The following LRCH1 variants were observed in gnomAD, a reference collection of about 807,000 sequenced individuals.
The protein encoded by LRCH1 is leucine-rich repeat and calponin homology domain-containing protein 1.
LRCH1 carries 23 observed loss-of-function variants against 94.9 expected under a neutral mutation model. The ratio of observed to expected loss-of-function variants is 0.24; its 90% CI spans 0.17 to 0.34. The LOEUF is 0.34. Ranked by LOEUF, LRCH1 falls within the 10% of genes least tolerant of loss-of-function variation. LRCH1 has a pLI of 1.00. For synonymous variants in LRCH1, 364 were observed against 354.9 expected, an observed-to-expected ratio of 1.03 and a Z score of -0.29; for missense variants, 790 against 945.9, an observed-to-expected ratio of 0.84 and a Z score of 2.16.
intron 15 of LRCH1, among the ~76,000 whole-genome samples, chr13:46,713,687 CT>C (rs1872183138): frequency 6.6e-6 from 1 of 152,172 alleles, no homozygotes; most frequent in Non-Finnish European, 1.5e-5. Flanking sequence ...ACTCAAATGG[CT>C]GGTCTTCTCA....
chr13:46,685,059 A>G (rs1260004860), intron 4 of LRCH1, among the ~76,000 whole-genome samples: 1 of 152,128 alleles, frequency 6.6e-6, no homozygotes, highest in Non-Finnish European at 1.5e-5. Flanking sequence ...GCAATATTCC[A>G]TCCCTTAACA....
Position 46,744,489 on chromosome 13 carries a change from G to C in LRCH1, c.*2641G>C. ...TTTCCTATTTATGGATTTCTGGTTTGTTATTTTTAGGGAGAGACACTTATG... is the reference window on the plus strand; with the variant it reads ...TTTCCTATTTATGGATTTCTGGTTTCTTATTTTTAGGGAGAGACACTTATG... On this transcript the variant is annotated 3_prime_UTR_variant, in exon 20 of 20. Transcript: ENST00000389797. The C allele has an allele frequency of 1.0e-6, 1 of 985,362 alleles. No homozygotes were observed. The highest frequency in any genetic ancestry group is 1.2e-6 in the Non-Finnish European group (1 of 829,930). 61.0% of individuals were successfully genotyped at this position (985,362 alleles called of 1,614,324 possible). A position where few individuals can be genotyped will look rare whatever the true frequency, so the allele number is the denominator to read the frequency against.
intron 3 of LRCH1, among the ~76,000 whole-genome samples, chr13:46,673,901 C>G (rs1220685886): frequency 6.6e-6 from 1 of 152,172 alleles, no homozygotes; most frequent in Non-Finnish European, 1.5e-5. Context: ...CTGCCTCAGC[C>G]TCCCAACTAG....
rs191562819 is a variant in LRCH1, at chr13:46,709,957, T to C, written c.1528-1834T>C. On this transcript the variant is annotated intron_variant, in intron 13 of 19. Transcript: ENST00000389797. ...AGAGCTAAAATATGATCCTTACTTA[T>C]GATTTGGTTATTTTTATATTCTTTC... Among the ~76,000 whole-genome samples, 374 of 152,318 alleles carry C rather than the reference T, an allele frequency of 2.5e-3. 3 individuals are homozygous for C. The highest frequency in any genetic ancestry group is 4.2e-3 in the Non-Finnish European group (286 of 68,026).
intron 1 of LRCH1, among the ~76,000 whole-genome samples, chr13:46,626,217 G>T (rs1333943230): frequency 6.6e-6 from 1 of 152,102 alleles, no homozygotes; most frequent in Non-Finnish European, 1.5e-5. Context: ...AAGGTGGGTG[G>T]TAATGGCTTT....
intron 2 of LRCH1, among the ~76,000 whole-genome samples, chr13:46,652,309 C>A (rs1199715072): frequency 2.6e-5 from 4 of 151,930 alleles, no homozygotes; most frequent in African/African-American, 9.7e-5. Context: ...ATCTCCTGAC[C>A]TCGTGGTCCA....
rs114820437 is a variant in LRCH1, at chr13:46,571,822, G to C, written c.307+18119G>C. Among the ~76,000 whole-genome samples, 354 of 152,008 alleles carry C rather than the reference G, an allele frequency of 2.3e-3. 1 individual carries two copies. The highest frequency in any genetic ancestry group is 8.1e-3 in the African/African-American group (335 of 41,514). ...AAGTGAGAGTAATAACACTTATGGG[G>C]TTGCTGTGATGACTAAAATAACAAA... is the stretch of plus-strand genomic sequence containing the variant. On this transcript the variant is annotated intron_variant, in intron 1 of 19. Coordinates refer to ENST00000389797, the MANE Select transcript of LRCH1 (RefSeq NM_001164211.2).
exon 19 of LRCH1, chr13:46,750,684 G>A: frequency 6.9e-7 from 1 of 1,439,442 alleles, no homozygotes; most frequent in Non-Finnish European, 9.6e-7. Flanking sequence ...CTCAGACTCT[G>A]CTCTCATCCA....
intron 1 of LRCH1, among the ~76,000 whole-genome samples, chr13:46,573,866 A>ATATATATATATATATATATATATATTT: frequency 1.1e-3 from 69 of 63,332 alleles, no homozygotes; most frequent in African/African-American, 1.5e-3. Flanking sequence ...ATATATATAT[A>ATATATATATATATATATATATATATTT]TTTTTTTTTT....
In LRCH1 at chr13:46,681,743, T is replaced by G. The variant is rs776077548; in HGVS notation, c.582T>G (p.Asp194Glu). 1 of 1,602,574 alleles carries G rather than the reference T, an allele frequency of 6.2e-7. No homozygotes were observed. Among genetic ancestry groups the G allele is most frequent in the African/African-American group, 1.3e-5 (1 of 74,694 alleles). The change falls in exon 4 of 20, where the codon GAT (aspartate) becomes GAG (glutamate). Residue 194 changes from aspartate to glutamate, a missense_variant and splice_region_variant. Physicochemically the swap from Asp to Glu is conservative, Grantham distance 45. Coordinates refer to ENST00000389797, the MANE Select transcript of LRCH1 (RefSeq NM_001164211.2). ...TTCTCTCTCTGCTTTTGATACAGGATGTCAGCTGCAACGAGATCACAGCGT... is the reference window on the plus strand; with the variant it reads ...TTCTCTCTCTGCTTTTGATACAGGAGGTCAGCTGCAACGAGATCACAGCGT... ...IGQLKQLMEL[D>E]VSCNEITALP...
rs1555269134 is a variant in LRCH1 at position 46,573,845 on chromosome 13, A to AATATATATATATATATATATAT, written c.307+20143_307+20164dup. Among the ~76,000 whole-genome samples, 154 of 77,844 alleles carry AATATATATATATATATATATAT rather than the reference A, an allele frequency of 2.0e-3. 2 individuals are homozygous for AATATATATATATATATATATAT. The highest frequency in any genetic ancestry group is 0.012 in the East Asian group (22 of 1,908). 51.1% of individuals were successfully genotyped at this position (77,844 alleles called of 152,430 possible). A position where few individuals can be genotyped will look rare whatever the true frequency, so the allele number is the denominator to read the frequency against. Reference sequence around the variant, plus strand: ...TAGCACAACAGGGTGACTATAGTCAAATATATATATATATATATATATTTT... The same window carrying AATATATATATATATATATATAT: ...TAGCACAACAGGGTGACTATAGTCAAATATATATATATATATATATATATATATATATATATATATATATTTT... On this transcript the variant is annotated intron_variant, in intron 1 of 19. Transcript: ENST00000389797.
chr13:46,566,013 C>G (rs560941339), intron 1 of LRCH1, among the ~76,000 whole-genome samples: 132 of 151,756 alleles, frequency 8.7e-4, no homozygotes, highest in African/African-American at 3.0e-3. Context: ...GTTTTGGCCT[C>G]CAGATTGGAG....
Position 46,681,778 on chromosome 13 carries a change from A to G in LRCH1, c.617A>G (p.Gln206Arg), listed in dbSNP as rs2051754367. The stretch of plus-strand genomic sequence containing the variant: ...AACGAGATCACAGCGTTGCCCCAGC[A>G]GATAGGTCAGTTGAAATCTCTACGA... ...SCNEITALPQ[Q>R]IGQLKSLREL... Residue 206 changes from glutamine to arginine, a missense_variant, in exon 4 of 20, where the codon CAG (glutamine) becomes CGG (arginine). By Grantham distance (43) the Gln-to-Arg change is conservative (BLOSUM62 1). Transcript: ENST00000389797. 1 of 1,613,950 alleles carries G rather than the reference A, an allele frequency of 6.2e-7. No homozygotes were observed.
chr13:46,678,889 C>T (rs1320897742), intron 3 of LRCH1, among the ~76,000 whole-genome samples: 1 of 152,190 alleles, frequency 6.6e-6, no homozygotes, highest in Non-Finnish European at 1.5e-5. Flanking sequence ...TTAGTTTCAT[C>T]TCATGCTGTG....
chr13:46,668,043 T>G (rs1203348769), intron 2 of LRCH1, among the ~76,000 whole-genome samples: 1 of 152,182 alleles, frequency 6.6e-6, no homozygotes, highest in African/African-American at 2.4e-5. Context: ...GACATACAGA[T>G]TTTTAGATAT....
At chr13:46,560,820 AT>A (rs1177779576) in intron 1 of LRCH1, among the ~76,000 whole-genome samples, 2 of 152,260 alleles carry the variant, frequency 1.3e-5, no homozygotes, top group Non-Finnish European at 2.9e-5. Flanking sequence ...TGCCTGTGTT[AT>A]TCTTCATCCT....
intron 8 of LRCH1, 89 bp from the exon 9 acceptor site, chr13:46,694,804 A>G: frequency 7.1e-7 from 1 of 1,411,458 alleles, no homozygotes. Flanking sequence ...AGAAGACTTG[A>G]AGTGATTAGA....
rs1410253399 is a variant in LRCH1 at position 46,742,249 on chromosome 13, T to C, written c.*401T>C. 5.6e-6 allele frequency: 6 copies of C among 1,067,162 alleles called. No homozygotes were observed. The highest frequency in any genetic ancestry group is 6.8e-6 in the Non-Finnish European group (6 of 880,194). The allele number at this position is 1,067,162 out of a possible 1,614,324, so 66.1% of individuals were successfully genotyped here. On this transcript the variant is annotated 3_prime_UTR_variant, in exon 20 of 20. Transcript: ENST00000389797. ...TATGGAAGTCTTTCCTTTGGGTCAG[T>C]ATTGAACTAGAATTCTAATTCGGGA...
At chr13:46,597,655 C>T (rs952875921) in intron 1 of LRCH1, among the ~76,000 whole-genome samples, 18 of 152,106 alleles carry the variant, frequency 1.2e-4, no homozygotes, top group Non-Finnish European at 2.5e-4. Flanking sequence ...CCGCGCCTGG[C>T]CCTGTCCAGT....
Sources: gnomAD v4.1 joint callset for allele counts (sites outside exome capture counted in the v4.1 genomes callset) on GRCh38, gnomAD v4.1.1 for gene constraint, MANE v1.5 for transcripts, NCBI Gene and HGNC (gene_info 2026-07-23, HGNC 2026-07-21) for gene names.